Variants in ARHGEF12 observed in about 807,000 individuals in gnomAD.
The protein encoded by ARHGEF12 is Rho guanine nucleotide exchange factor 12, also known as KMT2A/ARHGEF12 fusion protein.
A neutral mutation model predicts 211.2 loss-of-function variants in ARHGEF12; 66 were observed. The observed-to-expected ratio is 0.31, with a 90% confidence interval of 0.26 to 0.38. The LOEUF (loss-of-function observed/expected upper bound fraction) is 0.38. Among genes scored for constraint, ARHGEF12 ranks in the 10% least tolerant of loss-of-function variants. The probability of loss-of-function intolerance (pLI) is 1.00; values close to 1 mark genes in which losing one functional copy is unlikely to be tolerated. For synonymous variants in ARHGEF12, 592 were observed against 638.4 expected (o/e 0.93, Z 1.09); for missense variants, 1,429 against 1,869.5 (o/e 0.76, Z 4.34).
intron 1 of ARHGEF12, among the ~76,000 whole-genome samples, chr11:120,373,686 GT>G (rs1043420739): frequency 4.0e-5 from 6 of 151,660 alleles, no homozygotes; most frequent in Admixed American, 2.0e-4. Flanking sequence ...ACCTTTCTAT[GT>G]TTTTTTCCCC....
intron 11 of ARHGEF12, among the ~76,000 whole-genome samples, chr11:120,435,396 A>G (rs922366777): frequency 6.6e-6 from 1 of 151,428 alleles, no homozygotes; most frequent in East Asian, 1.9e-4. Context: ...AGATGATACT[A>G]TGTACATCTC....
In ARHGEF12 at chr11:120,480,363, T is replaced by G. The variant is rs780966834; in HGVS notation, c.4170T>G (p.Asp1390Glu). 1 of 1,614,078 alleles carries G rather than the reference T, an allele frequency of 6.2e-7. No individual in the cohort carries two copies. Among genetic ancestry groups the G allele is most frequent in the South Asian group, 1.1e-5 (1 of 91,074 alleles). The change falls in exon 38 of 41, where the codon GAT becomes GAG. Residue 1390 changes from aspartate to glutamate, a missense_variant. Asp to Glu is a conservative substitution (Grantham distance 45). Transcript: ENST00000397843. ...TTGATGCCCGTGAAGCACATAGTGA[T>G]GAGAATCCATCAGAAGGTGATGGAG... ...HFFDAREAHS[D>E]ENPSEGDGAV...
At chr11:120,344,184 T>C (rs1942623154) in intron 1 of ARHGEF12, among the ~76,000 whole-genome samples, 1 of 140,342 alleles carries the variant, frequency 7.1e-6, no homozygotes, top group South Asian at 2.2e-4. Context: ...GAGAATCACT[T>C]GAACCCGGGA....
intron 4 of ARHGEF12, among the ~76,000 whole-genome samples, chr11:120,419,525 G>A (rs1019335101): frequency 7.3e-5 from 11 of 151,430 alleles, no homozygotes; most frequent in African/African-American, 2.7e-4. Flanking sequence ...TAATTTTTGT[G>A]TAGGTCATGA....
intron 1 of ARHGEF12, among the ~76,000 whole-genome samples, chr11:120,361,891 GA>G (rs1462780158): frequency 2.6e-5 from 4 of 152,212 alleles, no homozygotes; most frequent in African/African-American, 9.6e-5. Flanking sequence ...ATTTCTTCCA[GA>G]AATATTTGAA....
chr11:120,480,592 T>C (rs1384951050), intron 38 of ARHGEF12, among the ~76,000 whole-genome samples, 162 bp downstream of exon 38: 1 of 152,202 alleles, frequency 6.6e-6, no homozygotes, highest in Non-Finnish European at 1.5e-5. Context: ...GAATCTACTC[T>C]GTACCAGACC....
In ARHGEF12 at chr11:120,358,698, A is replaced by T. The variant is rs142782044; in HGVS notation, c.32+21423A>T. ...CACATTTCAAATATTCACTAGCCAC[A>T]TGAAGCCAGTGGCTACAGTACTGTT... On this transcript the variant is annotated intron_variant, in intron 1 of 40. Transcript: ENST00000397843. Among the ~76,000 whole-genome samples, 463 of 152,314 alleles carry T rather than the reference A, an allele frequency of 3.0e-3. 2 individuals carry two copies. Among genetic ancestry groups the T allele is most frequent in the African/African-American group, 0.01 (436 of 41,548 alleles).
intron 31 of ARHGEF12, among the ~76,000 whole-genome samples, chr11:120,473,811 C>A (rs1946947642): frequency 6.6e-6 from 1 of 152,188 alleles, no homozygotes; most frequent in South Asian, 2.1e-4. Context: ...AAAGTTGGAA[C>A]CATTACAGGA....
chr11:120,392,190 C>G (rs1944239958), intron 1 of ARHGEF12, among the ~76,000 whole-genome samples: 1 of 152,152 alleles, frequency 6.6e-6, no homozygotes, highest in South Asian at 2.1e-4. Context: ...ATCTGCTTAT[C>G]CTTTGTGACT....
intron 32 of ARHGEF12, 113 bp from the exon 33 acceptor site, chr11:120,475,227 T>C (rs1387238216): frequency 1.6e-5 from 16 of 993,134 alleles, no homozygotes; most frequent in Non-Finnish European, 2.3e-5. Context: ...AGTCAATTTT[T>C]AAAATTTTGT....
intron 1 of ARHGEF12, among the ~76,000 whole-genome samples, chr11:120,343,738 T>G (rs1019690336): frequency 2.0e-5 from 3 of 152,138 alleles, no homozygotes; most frequent in South Asian, 2.1e-4. Flanking sequence ...CATGCAGAAA[T>G]TGGAACTATA....
intron 22 of ARHGEF12, 149 bp downstream of exon 22, chr11:120,451,873 T>C (rs1233052646): frequency 2.7e-6 from 2 of 749,122 alleles, no homozygotes; most frequent in Non-Finnish European, 4.2e-6. Flanking sequence ...ATAAGAAATC[T>C]ATGCCGAATG....
At chr11:120,361,025 C>A (rs1165642965) in intron 1 of ARHGEF12, among the ~76,000 whole-genome samples, 1 of 152,030 alleles carries the variant, frequency 6.6e-6, no homozygotes, top group Admixed American at 6.6e-5. Context: ...TAATAAGCAC[C>A]AAGAATCACA....
At chr11:120,397,141 G>A (rs1360696789) in intron 1 of ARHGEF12, among the ~76,000 whole-genome samples, 2 of 152,188 alleles carry the variant, frequency 1.3e-5, no homozygotes, top group Admixed American at 6.5e-5. Flanking sequence ...TTTTGTTTGT[G>A]TGTTTGTTTT....
chr11:120,487,437 G>A lies in ARHGEF12; in HGVS notation c.*2360G>A, dbSNP rs892478304. ...TTTTGAATGTTCTTTTTATCTTACC[G>A]ACCTAACTTCTCTTTTCCCTCCCAA... On this transcript the variant is annotated 3_prime_UTR_variant, in exon 41 of 41. Transcript: ENST00000397843. 2 of 216,556 alleles carry A rather than the reference G, an allele frequency of 9.2e-6. No homozygotes were observed. Among genetic ancestry groups the A allele is most frequent in the East Asian group, 6.8e-5 (1 of 14,600 alleles). 13.4% of individuals were successfully genotyped at this position (216,556 alleles called of 1,614,324 possible). A position where few individuals can be genotyped will look rare whatever the true frequency, so the allele number is the denominator to read the frequency against.
chr11:120,385,270 G>T, intron 1 of ARHGEF12: 1 of 984,114 alleles, frequency 1.0e-6, no homozygotes, highest in Non-Finnish European at 1.2e-6. Flanking sequence ...TAGATGATTG[G>T]GGGTGGGAGA....
chr11:120,481,466 G>A lies in ARHGEF12; in HGVS notation c.4444G>A (p.Ala1482Thr). 1 of 1,614,192 alleles carries A rather than the reference G, an allele frequency of 6.2e-7. No individual in the cohort carries two copies. Among genetic ancestry groups the A allele is most frequent in the Non-Finnish European group, 8.5e-7 (1 of 1,180,050 alleles). The change falls in exon 39 of 41, where the codon GCT (alanine) becomes ACT (threonine). Residue 1482 changes from alanine to threonine, a missense_variant. Around this residue, in one of 7 missense-constraint regions of ARHGEF12, gnomAD observed 467 missense variants for 468.4 expected, o/e 1.00. Transcript: ENST00000397843. ...ATTTCTGGTCCAGCAGCGCTGGGGA[G>A]CTATGGAGTATTCCTGTTTTGAGAT... is the stretch of plus-strand genomic sequence containing the variant. ...PEFLVQQRWGAMEYSCFEIQS... is the reference protein window; with the variant it reads ...PEFLVQQRWGTMEYSCFEIQS...
chr11:120,481,294 G>C lies in ARHGEF12; in HGVS notation c.4272G>C (p.Val1424=). The change falls in exon 39 of 41, where the codon GTG becomes GTC. Residue 1424 remains valine (V), a synonymous_variant. Transcript: ENST00000397843. ...NYLILDGYDP[V]QESSTDEEVA... is the part of the protein sequence containing the mutation. ...TGATCCTTGATGGCTATGACCCAGTGCAGGAGAGTTCCACAGATGAGGAGG... is the reference window on the plus strand; with the variant it reads ...TGATCCTTGATGGCTATGACCCAGTCCAGGAGAGTTCCACAGATGAGGAGG... 1 of 1,614,190 alleles carries C rather than the reference G, an allele frequency of 6.2e-7. No homozygotes were observed. Among genetic ancestry groups the C allele is most frequent in the South Asian group, 1.1e-5 (1 of 91,076 alleles).
intron 2 of ARHGEF12, 27 bp from the exon 3 acceptor site, chr11:120,407,711 G>A: frequency 1.3e-6 from 2 of 1,543,658 alleles, no homozygotes; most frequent in Non-Finnish European, 1.8e-6. Flanking sequence ...CTTGCACTAA[G>A]CATTTGATTA....
Sources: gnomAD v4.1 joint callset for allele counts (sites outside exome capture counted in the v4.1 genomes callset) on GRCh38, gnomAD v4.1.1 for gene constraint, gnomAD v4.1.1 regional missense constraint, MANE v1.5 for transcripts, NCBI Gene and HGNC (gene_info 2026-07-23, HGNC 2026-07-21) for gene names.